The following ETV2 variants were observed in gnomAD, a reference collection of about 807,000 sequenced individuals.
ETV2 encodes the protein ETS variant transcription factor 2, also known as ETS translocation variant 2.
Under a neutral mutation model 35.7 loss-of-function variants are expected in ETV2, and 34 were observed. That is an observed-to-expected ratio of 0.95 (90% CI 0.72 to 1.27). ETV2 has a LOEUF of 1.27. Ranked by LOEUF, ETV2 falls within the 50% of genes most tolerant of loss-of-function variation. ETV2 has a pLI of 0.00. For synonymous variants in ETV2, 207 were observed against 203.9 expected, an observed-to-expected ratio of 1.02 and a Z score of -0.13; for missense variants, 512 against 470.5, an observed-to-expected ratio of 1.09 and a Z score of -0.82.
Position 35,644,375 on chromosome 19 carries a change from T to TG in ETV2, c.828+28_828+29insG. On this transcript the variant is annotated intron_variant, in intron 6 of 6. Coordinates refer to ENST00000402764, the MANE Select transcript of ETV2 (RefSeq NM_014209.4). The surrounding 1 kb of genome is among the most constrained non-coding windows in gnomAD (Gnocchi z 4.7). Reference sequence around the variant, plus strand: ...GGGGCAGCTCCCCTGCCCAGCCAAATCCGCCCCGTCTCTTCTAGTTCAATT... The same window carrying TG: ...GGGGCAGCTCCCCTGCCCAGCCAAATGCCGCCCCGTCTCTTCTAGTTCAATT... 2 of 1,278,496 alleles carry TG rather than the reference T, an allele frequency of 1.6e-6. No homozygotes were observed. Among genetic ancestry groups the TG allele is most frequent in the Non-Finnish European group, 1.0e-6 (1 of 953,468 alleles). The allele number at this position is 1,278,496 out of a possible 1,614,324, so 79.2% of individuals were successfully genotyped here.
At position 35,642,472 on chromosome 19, in the gene ETV2, G is replaced by A. The variant is rs1439319053; in HGVS notation, c.12G>A (p.Trp4Ter). The A allele has an allele frequency of 6.2e-7, 1 of 1,602,684 alleles. No homozygotes were observed. The highest frequency in any genetic ancestry group is 8.5e-7 in the Non-Finnish European group (1 of 1,173,870). Residue 4 changes from tryptophan to a stop codon, truncating the protein, a stop_gained, in exon 2 of 7, where the codon TGG becomes TGA. Transcript: ENST00000402764. LOFTEE classifies it high-confidence loss of function. This position sits in a 1 kb window ranked among gnomAD's most constrained non-coding sequence, Gnocchi z 4.4. ...CCTTCATCGCATCCATGGACCTGTG[G>A]AACTGGGATGAGGCATCCCCACAGG... The part of the protein sequence containing the change: MDL[W>*]NWDEASPQEV...
rs1198530417 is a variant in ETV2 at position 35,644,275 on chromosome 19, C to T, written c.756C>T (p.His252=). Residue 252 remains histidine (H), a synonymous_variant, in exon 6 of 7, where the codon CAC becomes CAT. Coordinates refer to ENST00000402764, the MANE Select transcript of ETV2 (RefSeq NM_014209.4). The surrounding 1 kb of genome is among the most constrained non-coding windows in gnomAD (Gnocchi z 4.7). Reference sequence around the variant, plus strand: ...GGCAGTTCCTCCTGGAGCTGCTCCACGACGGGGCGCGTAGCAGCTGCATCC... The same window carrying T: ...GGCAGTTCCTCCTGGAGCTGCTCCATGACGGGGCGCGTAGCAGCTGCATCC... ...QLWQFLLELL[H]DGARSSCIRW... 1 of 1,561,780 alleles carries T rather than the reference C, an allele frequency of 6.4e-7. No individual in the cohort carries two copies. The highest frequency in any genetic ancestry group is 1.9e-5 in the Admixed American group (1 of 52,690).
chr19:35,643,452 G>A lies in ETV2; in HGVS notation c.414G>A (p.Glu138=). 6.5e-7 allele frequency: 1 copy of A among 1,547,094 alleles called. No individual in the cohort carries two copies. Among genetic ancestry groups the A allele is most frequent in the South Asian group, 1.2e-5 (1 of 83,762 alleles). ...AGAACTGCGTCCCCGTGGCGGGAGA[G>A]GCCACCTCGTGGTCGCGCGCCCAGG... ...AGQNCVPVAG[E]ATSWSRAQAA... is the part of the protein sequence containing the mutation. The change falls in exon 5 of 7, where the codon GAG becomes GAA. Residue 138 remains glutamate, a synonymous_variant. Coordinates refer to ENST00000402764, the MANE Select transcript of ETV2 (RefSeq NM_014209.4). This position sits in a 1 kb window ranked among gnomAD's most constrained non-coding sequence, Gnocchi z 5.0.
In ETV2 at chr19:35,642,928, G is replaced by A. The variant is rs745633744; in HGVS notation, c.155-37G>A. ...GAGACTAGAGAGTGGGTAGTTGAGG[G>A]GTCTCTTTCATTGCTCACAGTCCTC... On this transcript the variant is annotated intron_variant, in intron 3 of 6. Coordinates refer to ENST00000402764, the MANE Select transcript of ETV2 (RefSeq NM_014209.4). The surrounding 1 kb of genome is among the most constrained non-coding windows in gnomAD (Gnocchi z 4.4). 7.8e-7 allele frequency: 1 copy of A among 1,285,768 alleles called. No homozygotes were observed. Among genetic ancestry groups the A allele is most frequent in the Non-Finnish European group, 1.1e-6 (1 of 904,012 alleles). The allele number at this position is 1,285,768 out of a possible 1,614,324, so 79.6% of individuals were successfully genotyped here. A position where few individuals can be genotyped will look rare whatever the true frequency, so the allele number is the denominator to read the frequency against.
Position 35,643,207 on chromosome 19 carries a change from C to A in ETV2, c.236-67C>A. Reference sequence around the variant, plus strand: ...GGGCCCCAAGTGCCAGGGTTGAGAGCTTAGACCCTAGAGTTTTTGAGGGGG... The same window carrying A: ...GGGCCCCAAGTGCCAGGGTTGAGAGATTAGACCCTAGAGTTTTTGAGGGGG... On this transcript the variant is annotated intron_variant, in intron 4 of 6. Coordinates refer to ENST00000402764, the MANE Select transcript of ETV2 (RefSeq NM_014209.4). The surrounding 1 kb of genome is among the most constrained non-coding windows in gnomAD (Gnocchi z 5.0). The A allele has an allele frequency of 6.5e-7, 1 of 1,538,588 alleles. No homozygotes were observed. Among genetic ancestry groups the A allele is most frequent in the Non-Finnish European group, 8.7e-7 (1 of 1,145,384 alleles).
At position 35,642,487 on chromosome 19, in the gene ETV2, AT is replaced by A; in HGVS notation, c.28del (p.Ser10ProfsTer19). On this transcript the variant is annotated frameshift_variant, in exon 2 of 7. Transcript: ENST00000402764. LOFTEE classifies it high-confidence loss of function. The surrounding 1 kb of genome is among the most constrained non-coding windows in gnomAD (Gnocchi z 4.4). The part of the protein sequence containing the change: MDLWNWDEA[S>X]PQEVPPGNKL... The stretch of plus-strand genomic sequence containing the variant: ...TGGACCTGTGGAACTGGGATGAGGC[AT>A]CCCCACAGGAAGTGCCTCCAGGGAA... 1 of 1,609,452 alleles carries A rather than the reference AT, an allele frequency of 6.2e-7. No homozygotes were observed. Among genetic ancestry groups the A allele is most frequent in the Non-Finnish European group, 8.5e-7 (1 of 1,177,460 alleles).
Position 35,643,045 on chromosome 19 carries a change from G to A in ETV2, c.235G>A (p.Glu79Lys). The A allele has an allele frequency of 2.6e-6, 4 of 1,555,880 alleles. No individual in the cohort carries two copies. Among genetic ancestry groups the A allele is most frequent in the Non-Finnish European group, 2.6e-6 (3 of 1,146,682 alleles). Residue 79 changes from glutamate (E) to lysine (K), a missense_variant and splice_region_variant, in exon 4 of 7, where the codon GAG becomes AAG. Transcript: ENST00000402764. This position sits in a 1 kb window ranked among gnomAD's most constrained non-coding sequence, Gnocchi z 5.0. ...LLHPEVPWGA[E>K]PDSQALPWSG... ...GCACCCAGAAGTTCCATGGGGGGCG[G>A]GTGAGTGTGGGGAGAGGCGGTGGGA...
rs968349968 is a variant in ETV2, at chr19:35,643,167, G to T, written c.236-107G>T. On this transcript the variant is annotated intron_variant, in intron 4 of 6. Transcript: ENST00000402764. The surrounding 1 kb of genome is among the most constrained non-coding windows in gnomAD (Gnocchi z 5.0). ...CTGCGCCCTCAAGGTGGCATGACCT[G>T]GATCCGGGTCAGCCGGGCCCCAAGT... 1 of 1,477,652 alleles carries T rather than the reference G, an allele frequency of 6.8e-7. No homozygotes were observed. Among genetic ancestry groups the T allele is most frequent in the Non-Finnish European group, 9.1e-7 (1 of 1,096,472 alleles). The allele number at this position is 1,477,652 out of a possible 1,614,324, so 91.5% of individuals were successfully genotyped here. A position where few individuals can be genotyped will look rare whatever the true frequency, so the allele number is the denominator to read the frequency against.
chr19:35,642,847 G>C lies in ETV2; in HGVS notation c.155-118G>C. The stretch of plus-strand genomic sequence containing the variant: ...ACCCCTGAGGGTGAAGGAAAAGGGG[G>C]CGCGGGGTGCTGAAATACGGGCTGG... On this transcript the variant is annotated intron_variant, in intron 3 of 6. Transcript: ENST00000402764. This position sits in a 1 kb window ranked among gnomAD's most constrained non-coding sequence, Gnocchi z 4.4. The C allele has an allele frequency of 1.0e-6, 1 of 969,954 alleles. No individual in the cohort carries two copies. Among genetic ancestry groups the C allele is most frequent in the Non-Finnish European group, 1.6e-6 (1 of 622,560 alleles). The allele number at this position is 969,954 out of a possible 1,614,324, so 60.1% of individuals were successfully genotyped here.
At position 35,644,632 on chromosome 19, in the gene ETV2, C is replaced by A. The variant is rs765942147; in HGVS notation, c.829-20C>A. 4 of 1,599,404 alleles carry A rather than the reference C, an allele frequency of 2.5e-6. No individual in the cohort carries two copies. Among genetic ancestry groups the A allele is most frequent in the East Asian group, 4.5e-5 (2 of 44,628 alleles). On this transcript the variant is annotated intron_variant, in intron 6 of 6. Coordinates refer to ENST00000402764, the MANE Select transcript of ETV2 (RefSeq NM_014209.4). This position sits in a 1 kb window ranked among gnomAD's most constrained non-coding sequence, Gnocchi z 4.7. The stretch of plus-strand genomic sequence containing the variant: ...AAGCCCCGCCCCTTCCCACTCCGAC[C>A]GAGCGGGCCTCTGTCCTAGGTGGCT...
Position 35,644,696 on chromosome 19 carries a change from T to G in ETV2, c.873T>G (p.Asn291Lys), listed in dbSNP as rs199804295. 6.2e-7 allele frequency: 1 copy of G among 1,603,476 alleles called. No individual in the cohort carries two copies. Among genetic ancestry groups the G allele is most frequent in the Non-Finnish European group, 8.5e-7 (1 of 1,174,222 alleles). ...AGCGCAAGAGAAAGCCGGGCATGAATTACGAGAAGCTGAGCCGGGGCCTTC... is the reference window on the plus strand; with the variant it reads ...AGCGCAAGAGAAAGCCGGGCATGAAGTACGAGAAGCTGAGCCGGGGCCTTC... ...WGERKRKPGM[N>K]YEKLSRGLRY... Residue 291 changes from asparagine to lysine, a missense_variant, in exon 7 of 7, where the codon AAT becomes AAG. Coordinates refer to ENST00000402764, the MANE Select transcript of ETV2 (RefSeq NM_014209.4). The surrounding 1 kb of genome is among the most constrained non-coding windows in gnomAD (Gnocchi z 4.7).
chr19:35,643,628 G>A lies in ETV2; in HGVS notation c.590G>A (p.Gly197Glu), dbSNP rs546129243. 1.9e-6 allele frequency: 3 copies of A among 1,613,224 alleles called. No homozygotes were observed. Among genetic ancestry groups the A allele is most frequent in the South Asian group, 1.1e-5 (1 of 91,036 alleles). ...GACTGTACCACCTCCTGGAACCCGGGGCTGCATGCGGGTGGCACCACCTCT... is the reference window on the plus strand; with the variant it reads ...GACTGTACCACCTCCTGGAACCCGGAGCTGCATGCGGGTGGCACCACCTCT... ...GPDCTTSWNP[G>E]LHAGGTTSLK... Residue 197 changes from glycine (G) to glutamate (E), a missense_variant, in exon 5 of 7, where the codon GGG becomes GAG. Transcript: ENST00000402764. The surrounding 1 kb of genome is among the most constrained non-coding windows in gnomAD (Gnocchi z 5.0).
In ETV2 at chr19:35,642,575, G is replaced by C; in HGVS notation, c.71-40G>C. ...ACAACGTGTGTGGGGAGGGTGTCCA[G>C]GTGGGGCCTCTGCTGACCCTAACCC... On this transcript the variant is annotated intron_variant, in intron 2 of 6. Transcript: ENST00000402764. The surrounding 1 kb of genome is among the most constrained non-coding windows in gnomAD (Gnocchi z 4.4). 8.7e-6 allele frequency: 14 copies of C among 1,613,424 alleles called. No homozygotes were observed. Among genetic ancestry groups the C allele is most frequent in the Non-Finnish European group, 1.2e-5 (14 of 1,179,646 alleles).
rs147617217 is a variant in ETV2 at position 35,644,585 on chromosome 19, C to A, written c.829-67C>A. ...GTCTGCACTGCACACCGCCCCCAGG[C>A]CCGGCCCTCCCCACTATCGCCAAGC... On this transcript the variant is annotated intron_variant, in intron 6 of 6. Coordinates refer to ENST00000402764, the MANE Select transcript of ETV2 (RefSeq NM_014209.4). The surrounding 1 kb of genome is among the most constrained non-coding windows in gnomAD (Gnocchi z 4.7). 250 of 1,461,870 alleles carry A rather than the reference C, an allele frequency of 1.7e-4. No homozygotes were observed. The East Asian group carries it at 5.8e-3, about 34-fold the overall frequency. 90.6% of individuals were successfully genotyped at this position (1,461,870 alleles called of 1,614,324 possible). A position where few individuals can be genotyped will look rare whatever the true frequency, so the allele number is the denominator to read the frequency against.
chr19:35,641,878 T>A lies in ETV2; in HGVS notation c.-306T>A. On this transcript the variant is annotated 5_prime_UTR_variant, in exon 1 of 7. Transcript: ENST00000402764. Reference sequence around the variant, plus strand: ...CCCCGCCCCCATCACCCCGTAAACTTCTCCCAGCCTCCGCCCTGCCCTCAC... The same window carrying A: ...CCCCGCCCCCATCACCCCGTAAACTACTCCCAGCCTCCGCCCTGCCCTCAC... 7.5e-6 allele frequency: 1 copy of A among 132,546 alleles called. No homozygotes were observed. The highest frequency in any genetic ancestry group is 2.9e-5 in the African/African-American group (1 of 34,868). 8.2% of individuals were successfully genotyped at this position (132,546 alleles called of 1,614,324 possible). A position where few individuals can be genotyped will look rare whatever the true frequency, so the allele number is the denominator to read the frequency against.
Position 35,642,806 on chromosome 19 carries a change from A to C in ETV2, c.154+108A>C. 1.2e-6 allele frequency: 1 copy of C among 813,718 alleles called. No individual in the cohort carries two copies. Among genetic ancestry groups the C allele is most frequent in the Non-Finnish European group, 1.9e-6 (1 of 525,066 alleles). The allele number at this position is 813,718 out of a possible 1,614,324, so 50.4% of individuals were successfully genotyped here. A position where few individuals can be genotyped will look rare whatever the true frequency, so the allele number is the denominator to read the frequency against. On this transcript the variant is annotated intron_variant, in intron 3 of 6. Coordinates refer to ENST00000402764, the MANE Select transcript of ETV2 (RefSeq NM_014209.4). This position sits in a 1 kb window ranked among gnomAD's most constrained non-coding sequence, Gnocchi z 4.4. ...CCTAGGTTCCTGGGACTGGGTGGGG[A>C]GGGGCCGCGTGCTTGACCCCTGAGG...
rs1568338370 is a variant in ETV2, at chr19:35,642,777, CGT to C, written c.154+81_154+82del. Reference sequence around the variant, plus strand: ...TCCTAGGGCAAAGGGAGGAGGGGGGCGTGCCTAGGTTCCTGGGACTGGGTGGG... The same window carrying C: ...TCCTAGGGCAAAGGGAGGAGGGGGGCGCCTAGGTTCCTGGGACTGGGTGGG... On this transcript the variant is annotated intron_variant, in intron 3 of 6. Coordinates refer to ENST00000402764, the MANE Select transcript of ETV2 (RefSeq NM_014209.4). This position sits in a 1 kb window ranked among gnomAD's most constrained non-coding sequence, Gnocchi z 4.4. 9.5e-7 allele frequency: 1 copy of C among 1,052,328 alleles called. No individual in the cohort carries two copies. The highest frequency in any genetic ancestry group is 1.4e-6 in the Non-Finnish European group (1 of 728,370). The allele number at this position is 1,052,328 out of a possible 1,614,324, so 65.2% of individuals were successfully genotyped here. A position where few individuals can be genotyped will look rare whatever the true frequency, so the allele number is the denominator to read the frequency against.
Position 35,643,036 on chromosome 19 carries a change from T to TG in ETV2, c.232dup (p.Ala78GlyfsTer159). 7.0e-7 allele frequency: 1 copy of TG among 1,433,894 alleles called. No individual in the cohort carries two copies. The highest frequency in any genetic ancestry group is 9.4e-7 in the Non-Finnish European group (1 of 1,064,780). 88.8% of individuals were successfully genotyped at this position (1,433,894 alleles called of 1,614,324 possible). On this transcript the variant is annotated frameshift_variant, in exon 4 of 7. Transcript: ENST00000402764. LOFTEE classifies it high-confidence loss of function. This position sits in a 1 kb window ranked among gnomAD's most constrained non-coding sequence, Gnocchi z 5.0. ...CGCGTTACTGCACCCAGAAGTTCCA[T>TG]GGGGGGCGGGTGAGTGTGGGGAGAG... is the stretch of plus-strand genomic sequence containing the variant.
Position 35,644,235 on chromosome 19 carries a change from G to A in ETV2, c.716G>A (p.Gly239Asp). ...GTGTGCCCCTCCCTTCATCCCGCAGGTCCCATTCAGCTGTGGCAGTTCCTC... is the reference window on the plus strand; with the variant it reads ...GTGTGCCCCTCCCTTCATCCCGCAGATCCCATTCAGCTGTGGCAGTTCCTC... The part of the protein sequence containing the change: ...LARCPKTNHR[G>D]PIQLWQFLLE... The change falls in exon 6 of 7, where the codon GGT (glycine) becomes GAT (aspartate). Residue 239 changes from glycine (G) to aspartate (D), a missense_variant and splice_region_variant. Gly to Asp is a moderately conservative substitution (Grantham distance 94). Transcript: ENST00000402764. The surrounding 1 kb of genome is among the most constrained non-coding windows in gnomAD (Gnocchi z 4.7). 1 of 1,552,956 alleles carries A rather than the reference G, an allele frequency of 6.4e-7. No homozygotes were observed. Among genetic ancestry groups the A allele is most frequent in the Non-Finnish European group, 8.7e-7 (1 of 1,145,512 alleles).
Sources: gnomAD v4.1 joint callset for allele counts on GRCh38, gnomAD v4.1.1 for gene constraint, Gnocchi (gnomAD v3.1) non-coding constraint, MANE v1.5 for transcripts, NCBI Gene and HGNC (gene_info 2026-07-23, HGNC 2026-07-21) for gene names.